PNLIPRP1: variants seen among roughly 807,000 people sequenced by gnomAD.
PNLIPRP1 encodes pancreatic lipase related protein 1.
PNLIPRP1 carries 57 observed loss-of-function variants against 54.6 expected under a neutral mutation model. The observed-to-expected ratio is 1.04, with a 90% CI of 0.84 to 1.30. The LOEUF is 1.30. PNLIPRP1 is among the 50% of genes most tolerant of loss of function. The probability of loss-of-function intolerance (pLI) is 0.00; values close to 1 mark genes in which losing one functional copy is unlikely to be tolerated. For missense variants in PNLIPRP1, 567 were observed against 568.5 expected (o/e 1.00, Z 0.03); for synonymous variants, 232 against 208.8 (o/e 1.11, Z -0.96).
At chr10:116,596,345 C>T in intron 6 of PNLIPRP1, 23 bp downstream of exon 6, 1 of 1,437,424 alleles carries the variant, frequency 7.0e-7, no homozygotes, top group South Asian at 1.2e-5. Context: ...AGGCAGGGCC[C>T]CAGTTTTGTC....
At chr10:116,608,158 T>A (rs890728151) in intron 12 of PNLIPRP1, among the ~76,000 whole-genome samples, 1 of 152,162 alleles carries the variant, frequency 6.6e-6, no homozygotes, top group African/African-American at 2.4e-5. Context: ...CACCAGGCCT[T>A]GCCTTGCTCT....
intron 4 of PNLIPRP1, chr10:116,593,107 G>T: frequency 6.1e-6 from 1 of 162,798 alleles, no homozygotes; most frequent in Non-Finnish European, 1.3e-5. Flanking sequence ...GGCAAAGGTT[G>T]CAATGAGCCA....
At chr10:116,596,937 C>A (rs1178829763) in intron 6 of PNLIPRP1, among the ~76,000 whole-genome samples, 1 of 152,100 alleles carries the variant, frequency 6.6e-6, no homozygotes, top group African/African-American at 2.4e-5. Flanking sequence ...AAATACTGCA[C>A]AAAATGCTTT....
chr10:116,591,749 C>A (rs782639482), intron 2 of PNLIPRP1, 22 bp from the exon 3 acceptor site: 1 of 1,613,054 alleles, frequency 6.2e-7, no homozygotes, highest in South Asian at 1.1e-5. Flanking sequence ...AATCCTTGAG[C>A]AGATTCAACC....
intron 11 of PNLIPRP1, among the ~76,000 whole-genome samples, 159 bp downstream of exon 11, chr10:116,604,297 A>C (rs1847899479): frequency 6.6e-6 from 1 of 152,222 alleles, no homozygotes; most frequent in Non-Finnish European, 1.5e-5. Flanking sequence ...CACATACACA[A>C]CAGTTGCTTT....
Position 116,591,767 on chromosome 10 carries a change from G to T in PNLIPRP1, c.50-4G>T. The stretch of plus-strand genomic sequence containing the variant: ...CCTTGAGCAGATTCAACCTTTCTCT[G>T]TAGGAAAAGAAGTTTGCTATGAGGA... On this transcript the variant is annotated splice_region_variant and splice_polypyrimidine_tract_variant and intron_variant, in intron 2 of 12. Coordinates refer to ENST00000358834, the MANE Select transcript of PNLIPRP1 (RefSeq NM_006229.4). 1.2e-6 allele frequency: 2 copies of T among 1,614,030 alleles called. No homozygotes were observed. Among genetic ancestry groups the T allele is most frequent in the Non-Finnish European group, 1.7e-6 (2 of 1,179,972 alleles).
chr10:116,599,949 A>G (rs17735613), intron 8 of PNLIPRP1, 98 bp from the exon 9 acceptor site: 104,874 of 741,912 alleles, frequency 0.14, 8,167 homozygotes, highest in Admixed American at 0.21. Flanking sequence ...TTCTGAAAAT[A>G]CGGTCCTACT....
chr10:116,592,959 G>A (rs1847666783), intron 4 of PNLIPRP1: 1 of 323,756 alleles, frequency 3.1e-6, no homozygotes, highest in Non-Finnish European at 6.0e-6. Flanking sequence ...CCTGAGGTCA[G>A]GAGTTCGAGA....
chr10:116,596,696 T>C (rs1554864011), intron 6 of PNLIPRP1, among the ~76,000 whole-genome samples: 2 of 152,130 alleles, frequency 1.3e-5, no homozygotes, highest in Non-Finnish European at 2.9e-5. Flanking sequence ...TCTTTCTCCC[T>C]TCTCTTTGAA....
chr10:116,602,160 C>T (rs184925933), intron 10 of PNLIPRP1, among the ~76,000 whole-genome samples: 28 of 152,174 alleles, frequency 1.8e-4, no homozygotes, highest in African/African-American at 5.1e-4. Context: ...GGACTACAGG[C>T]GCCCGCCACC....
Position 116,605,368 on chromosome 10 carries a change from A to G in PNLIPRP1, c.1173-18A>G. ...CTCATTTCCGTGAACAGGGATGTTT[A>G]TGTTTCTCTATTTCAAGGGGGATTC... On this transcript the variant is annotated intron_variant, in intron 11 of 12. Transcript: ENST00000358834. 6 of 1,521,674 alleles carry G rather than the reference A, an allele frequency of 3.9e-6. No homozygotes were observed. Among genetic ancestry groups the G allele is most frequent in the Non-Finnish European group, 5.4e-6 (6 of 1,112,836 alleles). The allele number at this position is 1,521,674 out of a possible 1,614,324, so 94.3% of individuals were successfully genotyped here.
At chr10:116,594,245 A>C (rs372464138) in intron 4 of PNLIPRP1, 3 of 456,234 alleles carry the variant, frequency 6.6e-6, no homozygotes, top group African/African-American at 4.0e-5. Context: ...AAATATCTAC[A>C]TGTGTCTACT....
intron 3 of PNLIPRP1, 80 bp downstream of exon 3, chr10:116,592,005 T>TGTG: frequency 1.4e-6 from 2 of 1,466,280 alleles, no homozygotes; most frequent in Non-Finnish European, 1.9e-6. Context: ...ACCTTATCTC[T>TGTG]GTGCCCTCTT....
chr10:116,592,834 G>T, intron 4 of PNLIPRP1: 2 of 404,924 alleles, frequency 4.9e-6, no homozygotes, highest in Non-Finnish European at 9.4e-6. Flanking sequence ...CTATAAGCGA[G>T]GGACTATAGG....
chr10:116,601,640 A>G (rs1399159661), intron 10 of PNLIPRP1, among the ~76,000 whole-genome samples: 1 of 152,224 alleles, frequency 6.6e-6, no homozygotes, highest in African/African-American at 2.4e-5. Flanking sequence ...CTGTCTGTGC[A>G]TCCCTGATGC....
rs1554863716 is a variant in PNLIPRP1, at chr10:116,594,776, A to G, written c.377A>G (p.Lys126Arg). 4 of 1,614,160 alleles carry G rather than the reference A, an allele frequency of 2.5e-6. No individual in the cohort carries two copies. The highest frequency in any genetic ancestry group is 1.3e-5 in the African/African-American group (1 of 75,056). ...EEVNCICVDW[K>R]KGSQATYTQA... is the part of the protein sequence containing the mutation. ...GTGAACTGCATCTGCGTGGACTGGA[A>G]GAAGGGCTCCCAAGCCACCTACACA... Residue 126 changes from lysine (K) to arginine (R), a missense_variant, in exon 5 of 13, where the codon AAG (lysine) becomes AGG (arginine). Transcript: ENST00000358834.
At position 116,596,289 on chromosome 10, in the gene PNLIPRP1, G is replaced by C. The variant is rs375887902; in HGVS notation, c.541G>C (p.Gly181Arg). 6.5e-5 allele frequency: 105 copies of C among 1,613,576 alleles called. No homozygotes were observed. Among genetic ancestry groups the C allele is most frequent in the Non-Finnish European group, 8.4e-5 (99 of 1,179,628 alleles). Reference sequence around the variant, plus strand: ...GGGAGCCCACGTGGCTGGAGAGGCAGGAAGCAAGACTCCAGGCCTGAGCAG... The same window carrying C: ...GGGAGCCCACGTGGCTGGAGAGGCACGAAGCAAGACTCCAGGCCTGAGCAG... Reference protein sequence around the residue: ...SLGAHVAGEAGSKTPGLSRIT... With the variant: ...SLGAHVAGEARSKTPGLSRIT... The change falls in exon 6 of 13, where the codon GGA becomes CGA. Residue 181 changes from glycine to arginine, a missense_variant. Transcript: ENST00000358834.
chr10:116,593,446 G>T (rs143600668), intron 4 of PNLIPRP1, among the ~76,000 whole-genome samples: 127 of 152,286 alleles, frequency 8.3e-4, no homozygotes, highest in Non-Finnish European at 1.2e-3. Context: ...TACCCCAGGA[G>T]CCTGCCTTCC....
rs567322457 is a variant in PNLIPRP1, at chr10:116,592,206, C to T, written c.205-210C>T. ...ACAAAAACCACAGGGAAGGTAAAAC[C>T]TCAAACCACAATCCAGGCCTAGTGG... On this transcript the variant is annotated intron_variant, in intron 3 of 12. Coordinates refer to ENST00000358834, the MANE Select transcript of PNLIPRP1 (RefSeq NM_006229.4). 7.1e-5 allele frequency: 47 copies of T among 658,192 alleles called. No individual in the cohort carries two copies. The African/African-American group carries it at 8.2e-4, about 11-fold the overall frequency. The allele number at this position is 658,192 out of a possible 1,614,324, so 40.8% of individuals were successfully genotyped here. A position where few individuals can be genotyped will look rare whatever the true frequency, so the allele number is the denominator to read the frequency against.
Sources: gnomAD v4.1 joint callset for allele counts (sites outside exome capture counted in the v4.1 genomes callset) on GRCh38, gnomAD v4.1.1 for gene constraint, MANE v1.5 for transcripts, NCBI Gene and HGNC (gene_info 2026-07-23, HGNC 2026-07-21) for gene names.